The following ZNF782 variants were observed in gnomAD, a reference collection of about 807,000 sequenced individuals.
ZNF782 encodes the protein zinc finger protein 782.
Under a neutral mutation model 13.0 loss-of-function variants are expected in ZNF782, and 12 were observed. The ratio of observed to expected loss-of-function variants is 0.92; its 90% CI spans 0.59 to 1.50. The LOEUF is 1.50. Among genes scored for constraint, ZNF782 ranks in the 40% most tolerant of loss-of-function variants. The pLI is 0.00. For missense variants in ZNF782, 770 were observed against 822.9 expected, an observed-to-expected ratio of 0.94 and a Z score of 0.79; for synonymous variants, 284 against 283.0, an observed-to-expected ratio of 1.00 and a Z score of -0.04.
chr9:96,883,135 G>A, the ZNF782 span, among the ~76,000 whole-genome samples: 3 of 152,038 alleles, frequency 2.0e-5, no homozygotes, highest in African/African-American at 2.4e-5. Context: ...GCTAGACATC[G>A]AAACAAAACT....
chr9:96,886,345 G>A, the ZNF782 span, among the ~76,000 whole-genome samples: 1 of 151,984 alleles, frequency 6.6e-6, no homozygotes, highest in Non-Finnish European at 1.5e-5. Flanking sequence ...TAAAAATAAG[G>A]GCAAATATGA....
At chr9:96,921,370 TA>T in the ZNF782 span, among the ~76,000 whole-genome samples, 1 of 137,116 alleles carries the variant, frequency 7.3e-6, no homozygotes, top group Non-Finnish European at 1.6e-5. Flanking sequence ...CTGTCTCTAC[TA>T]AAAATACAAA....
At chr9:96,927,206 A>G in the ZNF782 span, among the ~76,000 whole-genome samples, 2 of 152,258 alleles carry the variant, frequency 1.3e-5, no homozygotes, top group East Asian at 3.8e-4. Context: ...GAGAGACTCC[A>G]GCCAGGATTC....
chr9:96,826,500 G>C (rs964841438), intron 5 of ZNF782, among the ~76,000 whole-genome samples: 18 of 152,250 alleles, frequency 1.2e-4, no homozygotes, highest in East Asian at 1.2e-3. Context: ...GTATACATAT[G>C]TACTAACCTG....
upstream of ZNF782, among the ~76,000 whole-genome samples, chr9:96,880,290 T>C (rs969056756): frequency 2.0e-5 from 3 of 152,174 alleles, no homozygotes; most frequent in Admixed American, 6.5e-5. Flanking sequence ...CTTACATTAT[T>C]GTAATGGCCA....
At chr9:96,919,917 G>A in the ZNF782 span, among the ~76,000 whole-genome samples, 1 of 151,456 alleles carries the variant, frequency 6.6e-6, no homozygotes, top group African/African-American at 2.4e-5. Context: ...ACTAGCAAGG[G>A]CATCAACTTT....
At chr9:96,828,730 C>A (rs980434826) in intron 4 of ZNF782, among the ~76,000 whole-genome samples, 3 of 152,026 alleles carry the variant, frequency 2.0e-5, no homozygotes, top group African/African-American at 7.3e-5. Flanking sequence ...ATGTAATCAG[C>A]ATTCCAGAAG....
At chr9:96,846,347 A>G (rs777801952) in intron 3 of ZNF782, among the ~76,000 whole-genome samples, 1 of 152,192 alleles carries the variant, frequency 6.6e-6, no homozygotes, top group Non-Finnish European at 1.5e-5. Flanking sequence ...CTCAATATTA[A>G]CATTGAATGT....
chr9:96,844,917 C>T lies in ZNF782; in HGVS notation c.115G>A (p.Glu39Lys). The T allele has an allele frequency of 6.2e-7, 1 of 1,613,980 alleles. No homozygotes were observed. Among genetic ancestry groups the T allele is most frequent in the East Asian group, 2.2e-5 (1 of 44,860 alleles). The part of the protein sequence containing the change: ...ERTLYRDVML[E>K]NYSHLVSVGY... ...ACTGAGACGAGGTGGCTGTAGTTCT[C>T]CAGCATCACATCTCTGTACAGGGTC... Residue 39 changes from glutamate to lysine, a missense_variant, in exon 4 of 6, where the codon GAG becomes AAG. By Grantham distance (56) the Glu-to-Lys change is moderately conservative. Coordinates refer to ENST00000481138, the MANE Select transcript of ZNF782 (RefSeq NM_001001662.3).
At chr9:96,826,153 T>A (rs555554653) in intron 5 of ZNF782, among the ~76,000 whole-genome samples, 1 of 152,184 alleles carries the variant, frequency 6.6e-6, no homozygotes, top group African/African-American at 2.4e-5. Context: ...CCAACCCAAA[T>A]GTCCAACAAT....
the ZNF782 span, among the ~76,000 whole-genome samples, chr9:96,912,272 CT>C: frequency 4.2e-5 from 6 of 142,864 alleles, no homozygotes; most frequent in African/African-American, 1.3e-4. Flanking sequence ...AATCTCAGGC[CT>C]TTTTTTTTTC....
At chr9:96,832,083 T>G (rs1850822599) in intron 4 of ZNF782, among the ~76,000 whole-genome samples, 1 of 152,198 alleles carries the variant, frequency 6.6e-6, no homozygotes, top group Non-Finnish European at 1.5e-5. Context: ...CTTGAACATT[T>G]TTTTTAGAAT....
intron 1 of ZNF782, among the ~76,000 whole-genome samples, chr9:96,864,287 A>G (rs1488376752): frequency 6.6e-6 from 1 of 151,938 alleles, no homozygotes; most frequent in Non-Finnish European, 1.5e-5. Flanking sequence ...CTAAGCCTCT[A>G]TTAATAAACA....
the ZNF782 span, among the ~76,000 whole-genome samples, chr9:96,920,577 T>C: frequency 5.4e-5 from 8 of 149,350 alleles, no homozygotes; most frequent in African/African-American, 2.0e-4. Flanking sequence ...AAAACCATTT[T>C]TAAAAAAATA....
the ZNF782 span, chr9:96,887,289 G>GGAAGGAAGGAAA: frequency 6.4e-5 from 4 of 62,268 alleles, no homozygotes; most frequent in East Asian, 1.0e-3. Context: ...AAAAAAGAAA[G>GGAAGGAAGGAAA]GAAGGAAGGA....
intron 4 of ZNF782, among the ~76,000 whole-genome samples, chr9:96,835,656 G>A (rs1197492518): frequency 6.6e-6 from 1 of 152,190 alleles, no homozygotes; most frequent in Non-Finnish European, 1.5e-5. Flanking sequence ...CCTGGCTTAT[G>A]TCTAGAGGGC....
Position 96,818,635 on chromosome 9 carries a change from G to A in ZNF782, c.1388C>T (p.Ser463Leu), listed in dbSNP as rs1338909496. ...AGTTCTCTGATGCACTATGAGGATT[G>A]ACTTATAGTTAAAAGATTTCCCACA... The part of the protein sequence containing the change: ...HECGKSFNYK[S>L]ILIVHQRTHT... The change falls in exon 6 of 6, where the codon TCA becomes TTA. Residue 463 changes from serine (S) to leucine (L), a missense_variant. Physicochemically the swap from Ser to Leu is moderately radical, Grantham distance 145. Transcript: ENST00000481138. 1 of 1,614,144 alleles carries A rather than the reference G, an allele frequency of 6.2e-7. No individual in the cohort carries two copies. The highest frequency in any genetic ancestry group is 8.5e-7 in the Non-Finnish European group (1 of 1,180,008).
chr9:96,824,527 TC>T (rs1169179191), intron 5 of ZNF782, among the ~76,000 whole-genome samples: 3 of 151,634 alleles, frequency 2.0e-5, no homozygotes, highest in African/African-American at 7.3e-5. Flanking sequence ...CCACTCCTAT[TC>T]AACATAGTGT....
intron 5 of ZNF782, among the ~76,000 whole-genome samples, chr9:96,825,580 T>G (rs1850588136): frequency 6.7e-6 from 1 of 150,360 alleles, no homozygotes; most frequent in Non-Finnish European, 1.5e-5. Flanking sequence ...CTAAAGAGCT[T>G]CTGCACAGCA....
Sources: allele counts gnomAD v4.1 joint callset (sites outside exome capture counted in the v4.1 genomes callset), GRCh38; gene constraint gnomAD v4.1.1; transcripts MANE v1.5; gene names NCBI Gene and HGNC (gene_info 2026-07-23, HGNC 2026-07-21).